The following ULK2 variants were observed in gnomAD, a reference collection of about 807,000 sequenced individuals.
ULK2 encodes serine/threonine-protein kinase ULK2.
In ULK2, 76 loss-of-function variants were observed where a neutral mutation model predicts 127.5. That is an observed-to-expected ratio of 0.60 (90% CI 0.50 to 0.72). ULK2 has a LOEUF of 0.72. Among genes scored for constraint, ULK2 ranks in the 30% least tolerant of loss-of-function variants. The pLI, the probability that ULK2 is intolerant of heterozygous loss-of-function variation, is 0.00. For synonymous variants in ULK2, 452 were observed against 461.9 expected (o/e 0.98, Z 0.28); for missense variants, 1,144 against 1,295.9 (o/e 0.88, Z 1.80).
intron 14 of ULK2, among the ~76,000 whole-genome samples, chr17:19,809,113 C>CA (rs1438942809): frequency 6.6e-6 from 1 of 152,182 alleles, no homozygotes; most frequent in East Asian, 1.9e-4. Context: ...AAGCCTGTCA[C>CA]ATACCACAAC....
At chr17:19,833,631 A>T (rs2041519976) in intron 10 of ULK2, among the ~76,000 whole-genome samples, 1 of 152,214 alleles carries the variant, frequency 6.6e-6, no homozygotes, top group Non-Finnish European at 1.5e-5. Context: ...ACAGCGACTC[A>T]TCAAATAGAG....
At chr17:19,847,103 A>G (rs2041902536) in intron 5 of ULK2, among the ~76,000 whole-genome samples, 193 bp from the exon 6 acceptor site, 1 of 152,194 alleles carries the variant, frequency 6.6e-6, no homozygotes, top group Non-Finnish European at 1.5e-5. Flanking sequence ...CCTGTAGTCA[A>G]TCTGTTGTAA....
intron 13 of ULK2, among the ~76,000 whole-genome samples, chr17:19,811,399 G>T (rs1228064731): frequency 1.3e-5 from 2 of 151,640 alleles, no homozygotes; most frequent in Non-Finnish European, 2.9e-5. Flanking sequence ...CAACCTGATA[G>T]CTTAATCACG....
rs1277088182 is a variant in ULK2 at position 19,796,115 on chromosome 17, C to G, written c.1977G>C (p.Gln659His). 4 of 1,613,090 alleles carry G rather than the reference C, an allele frequency of 2.5e-6. No individual in the cohort carries two copies. In the South Asian group the frequency reaches 4.4e-5, roughly 18 times the overall value. ...TTTACCTGCCAAACACTGCCTTGCT[C>G]TGCTGCTCGGCCCGCTGCCTCTCAC... is the stretch of plus-strand genomic sequence containing the variant. The part of the protein sequence containing the change: ...QGSERQRAEQ[Q>H]SKAVFGRSVS... Residue 659 changes from glutamine to histidine, a missense_variant, in exon 19 of 27, where the codon CAG becomes CAC. Gln to His is a conservative substitution (Grantham distance 24, BLOSUM62 0). Coordinates refer to ENST00000395544, the MANE Select transcript of ULK2 (RefSeq NM_014683.4).
At chr17:19,806,099 A>G (rs1433201364) in intron 14 of ULK2, among the ~76,000 whole-genome samples, 2 of 152,190 alleles carry the variant, frequency 1.3e-5, no homozygotes, top group Non-Finnish European at 2.9e-5. Flanking sequence ...CAAACCCTCT[A>G]CTACCACTAA....
At position 19,783,745 on chromosome 17, in the gene ULK2, C is replaced by A. The variant is rs368611837; in HGVS notation, c.2412G>T (p.Gly804=). The A allele has an allele frequency of 6.9e-6, 11 of 1,594,454 alleles. No homozygotes were observed. The South Asian group carries it at 1.0e-4, about 15-fold the overall frequency. The change falls in exon 22 of 27, where the codon GGG becomes GGT. Residue 804 remains glycine, a synonymous_variant. Transcript: ENST00000395544. ...PYGASPPSLE[G]LITFEAPELP... is the part of the protein sequence containing the mutation. ...GTTCAGGGGCTTCAAAGGTGATGAG[C>A]CCCTCTAGGCTGGGGGGTGAAGCAC...
chr17:19,804,653 G>C, intron 15 of ULK2, 40 bp downstream of exon 15: 1 of 1,533,504 alleles, frequency 6.5e-7, no homozygotes, highest in South Asian at 1.3e-5. Context: ...TTTTAAAGGA[G>C]ATGAAAAAGA....
At chr17:19,811,072 T>C (rs950724390) in intron 13 of ULK2, 2 of 151,226 alleles carry the variant, frequency 1.3e-5, no homozygotes, top group South Asian at 2.1e-4. Flanking sequence ...CTGGGCAACA[T>C]AGCAAGATCC....
rs369602145 is a variant in ULK2, at chr17:19,783,682, T to C, written c.2460+15A>G. On this transcript the variant is annotated intron_variant, in intron 22 of 26. Transcript: ENST00000395544. ...AATCAACATTACATTCACACCACTA[T>C]AGTCTCTTTTCTACCTCCATCAGCG... The C allele has an allele frequency of 2.7e-6, 4 of 1,486,046 alleles. No individual in the cohort carries two copies. Among genetic ancestry groups the C allele is most frequent in the African/African-American group, 2.8e-5 (2 of 70,428 alleles). 92.1% of individuals were successfully genotyped at this position (1,486,046 alleles called of 1,614,324 possible). A position where few individuals can be genotyped will look rare whatever the true frequency, so the allele number is the denominator to read the frequency against.
At chr17:19,818,407 T>C (rs1288631841) in intron 12 of ULK2, among the ~76,000 whole-genome samples, 1 of 152,060 alleles carries the variant, frequency 6.6e-6, no homozygotes, top group Non-Finnish European at 1.5e-5. Flanking sequence ...TAATTTGCCC[T>C]AGATCACACA....
At chr17:19,805,706 A>AT (rs1410134701) in intron 14 of ULK2, among the ~76,000 whole-genome samples, 2 of 152,138 alleles carry the variant, frequency 1.3e-5, no homozygotes, top group African/African-American at 4.8e-5. Context: ...TCTTCTACTC[A>AT]TTCTTCCTGT....
At position 19,845,288 on chromosome 17, in the gene ULK2, GCAAA is replaced by G; in HGVS notation, c.543+12_543+15del. ...AGCCATGCTTTAAACACACAAGGATGCAAACACTCACTCACCATGTACATCGGGG... is the reference window on the plus strand; with the variant it reads ...AGCCATGCTTTAAACACACAAGGATGCACTCACTCACCATGTACATCGGGG... On this transcript the variant is annotated intron_variant, in intron 7 of 26. Coordinates refer to ENST00000395544, the MANE Select transcript of ULK2 (RefSeq NM_014683.4). 6.2e-7 allele frequency: 1 copy of G among 1,607,556 alleles called. No individual in the cohort carries two copies. The highest frequency in any genetic ancestry group is 8.5e-7 in the Non-Finnish European group (1 of 1,174,502).
intron 3 of ULK2, among the ~76,000 whole-genome samples, chr17:19,862,967 A>G (rs772503133): frequency 3.3e-5 from 5 of 152,060 alleles, no homozygotes; most frequent in Non-Finnish European, 7.4e-5. Flanking sequence ...TAATCCCAGC[A>G]TTTTGGGAGG....
chr17:19,782,146 C>T (rs976311488), intron 22 of ULK2, 79 bp from the exon 23 acceptor site: 102 of 1,377,162 alleles, frequency 7.4e-5, no homozygotes, highest in Middle Eastern at 3.7e-4. Context: ...AAACCATGGC[C>T]GCTGATCATG....
chr17:19,799,942 C>T (rs1158020269), intron 16 of ULK2, among the ~76,000 whole-genome samples: 1 of 152,248 alleles, frequency 6.6e-6, no homozygotes, highest in Admixed American at 6.5e-5. Context: ...GCTGCAGTCC[C>T]TCTGGTGCCA....
intron 20 of ULK2, among the ~76,000 whole-genome samples, chr17:19,794,063 A>C (rs1199326761): frequency 2.0e-5 from 3 of 152,264 alleles, no homozygotes; most frequent in Admixed American, 1.3e-4. Flanking sequence ...ACAGTAACAG[A>C]AACAAAGAAT....
intron 10 of ULK2, 147 bp from the exon 11 acceptor site, chr17:19,826,333 G>A (rs576392902): frequency 2.7e-6 from 1 of 373,156 alleles, no homozygotes; most frequent in Admixed American, 4.2e-5. Flanking sequence ...AAATGTAAAA[G>A]CGTATTTTTT....
At chr17:19,845,995 G>A (rs1189163271) in intron 6 of ULK2, among the ~76,000 whole-genome samples, 1 of 152,038 alleles carries the variant, frequency 6.6e-6, no homozygotes, top group Non-Finnish European at 1.5e-5. Flanking sequence ...GCACATGCCA[G>A]CTACTTGCGC....
Position 19,783,700 on chromosome 17 carries a change from C to T in ULK2, c.2457G>A (p.Met819Ile). 2 of 1,524,780 alleles carry T rather than the reference C, an allele frequency of 1.3e-6. No individual in the cohort carries two copies. Among genetic ancestry groups the T allele is most frequent in the East Asian group, 4.8e-5 (2 of 41,908 alleles). The allele number at this position is 1,524,780 out of a possible 1,614,324, so 94.5% of individuals were successfully genotyped here. ...ACCACTATAGTCTCTTTTCTACCTC[C>T]ATCAGCGTCTCCTCCGGCAGTTCAG... ...EAPELPEETLMEREHTDTLRH... is the reference protein window; with the variant it reads ...EAPELPEETLIEREHTDTLRH... The change falls in exon 22 of 27, where the codon ATG becomes ATA. Residue 819 changes from methionine to isoleucine, a missense_variant. This residue lies in a region of ULK2 where 913 missense variants were observed against 970.5 expected (regional missense o/e 0.94). Transcript: ENST00000395544.
Sources: allele counts gnomAD v4.1 joint callset (sites outside exome capture counted in the v4.1 genomes callset), GRCh38; gene constraint gnomAD v4.1.1; regional missense constraint gnomAD v4.1.1; transcripts MANE v1.5; gene names NCBI Gene and HGNC (gene_info 2026-07-23, HGNC 2026-07-21).